Variants in RNF32 observed in about 807,000 individuals in gnomAD.
RNF32 encodes ring finger protein 32.
A neutral mutation model predicts 41.0 loss-of-function variants in RNF32; 36 were observed. The ratio of observed to expected loss-of-function variants is 0.88; its 90% CI spans 0.67 to 1.16. The LOEUF (loss-of-function observed/expected upper bound fraction) is 1.16. RNF32 is among the 50% of genes most tolerant of loss of function. The probability of loss-of-function intolerance (pLI) is 0.00; values close to 1 mark genes in which losing one functional copy is unlikely to be tolerated. For synonymous variants in RNF32, 154 were observed against 160.9 expected (o/e 0.96, Z 0.32); for missense variants, 413 against 436.7 (o/e 0.95, Z 0.48).
At chr7:156,645,236 A>G (rs1387500602) in intron 3 of RNF32, among the ~76,000 whole-genome samples, 2 of 152,236 alleles carry the variant, frequency 1.3e-5, no homozygotes, top group East Asian at 1.9e-4. Context: ...GAGAAAAACA[A>G]TAACTTCACA....
intron 3 of RNF32, among the ~76,000 whole-genome samples, chr7:156,648,057 G>A (rs1163200782): frequency 6.9e-6 from 1 of 144,718 alleles, no homozygotes; most frequent in Non-Finnish European, 1.5e-5. Flanking sequence ...TGATTTGTTT[G>A]AGTTCCTCGT....
chr7:156,668,907 T>C (rs1801826934), intron 7 of RNF32: 1 of 152,240 alleles, frequency 6.6e-6, no homozygotes, highest in Admixed American at 6.5e-5. Context: ...AAAATGCATA[T>C]TAATAGTCTT....
At chr7:156,657,320 CATGT>C (rs1799848896) in intron 4 of RNF32, 1 of 564,166 alleles carries the variant, frequency 1.8e-6, no homozygotes, top group Non-Finnish European at 3.2e-6. Flanking sequence ...TATCAAACTT[CATGT>C]GTTTATTTGA....
Position 156,654,558 on chromosome 7 carries a change from T to C in RNF32, c.275-18T>C, listed in dbSNP as rs1436333545. 1.9e-6 allele frequency: 3 copies of C among 1,611,712 alleles called. No individual in the cohort carries two copies. The highest frequency in any genetic ancestry group is 2.2e-5 in the South Asian group (2 of 90,874). ...CTAAAAGACACTCTAACTCCTGTCC[T>C]GTGCTGTCTTACTTTAGCACAGAAG... On this transcript the variant is annotated intron_variant, in intron 3 of 8. Coordinates refer to ENST00000317955, the MANE Select transcript of RNF32 (RefSeq NM_030936.4).
At chr7:156,641,960 C>T (rs527753679) in intron 1 of RNF32, among the ~76,000 whole-genome samples, 3 of 152,308 alleles carry the variant, frequency 2.0e-5, no homozygotes, top group South Asian at 2.1e-4. Context: ...CAGCGACTGA[C>T]GTTTTTACTT....
intron 7 of RNF32, chr7:156,660,390 T>A: frequency 3.1e-6 from 2 of 650,110 alleles, no homozygotes; most frequent in Non-Finnish European, 3.8e-6. Context: ...TTGGGGCTTT[T>A]AAGATGATCT....
chr7:156,658,472 T>C lies in RNF32; in HGVS notation c.586T>C (p.Tyr196His). Reference sequence around the variant, plus strand: ...ATATCTGTGTTTTAGAATCCAAGCCTACTGGAGAGGATGTGTTGTTAGAAA... The same window carrying C: ...ATATCTGTGTTTTAGAATCCAAGCCCACTGGAGAGGATGTGTTGTTAGAAA... ...RIKCVTRIQA[Y>H]WRGCVVRKWY... Residue 196 changes from tyrosine (Y) to histidine (H), a missense_variant, in exon 7 of 9, where the codon TAC becomes CAC. Tyr to His is a moderately conservative substitution (Grantham distance 83). Transcript: ENST00000317955. 6.2e-7 allele frequency: 1 copy of C among 1,611,814 alleles called. No homozygotes were observed. Among genetic ancestry groups the C allele is most frequent in the South Asian group, 1.1e-5 (1 of 91,048 alleles).
intron 3 of RNF32, 117 bp downstream of exon 3, chr7:156,644,874 G>A (rs1797791560): frequency 2.8e-6 from 3 of 1,067,908 alleles, no homozygotes; most frequent in Non-Finnish European, 2.7e-6. Context: ...ACAGAGAGGT[G>A]TGTATGTATT....
intron 7 of RNF32, among the ~76,000 whole-genome samples, chr7:156,665,610 A>C (rs1473578627): frequency 6.6e-6 from 1 of 152,230 alleles, no homozygotes; most frequent in East Asian, 1.9e-4. Flanking sequence ...ATCACAAATT[A>C]CTAGGAGAAA....
intron 3 of RNF32, among the ~76,000 whole-genome samples, chr7:156,651,689 TG>T (rs1272066603): frequency 1.5e-4 from 23 of 152,248 alleles, no homozygotes; most frequent in Non-Finnish European, 3.1e-4. Context: ...CACTCACAGC[TG>T]AGCAATGTGG....
At chr7:156,676,179 T>C (rs1426365335) in intron 8 of RNF32, 5 of 1,244,958 alleles carry the variant, frequency 4.0e-6, no homozygotes, top group Non-Finnish European at 5.4e-6. Flanking sequence ...CTGTTGGATG[T>C]TGCTTATCAC....
chr7:156,675,714 C>T lies in RNF32; in HGVS notation c.703C>T (p.Arg235Cys), dbSNP rs1359345441. 8 of 1,613,276 alleles carry T rather than the reference C, an allele frequency of 5.0e-6. No individual in the cohort carries two copies. Among genetic ancestry groups the T allele is most frequent in the South Asian group, 2.2e-5 (2 of 91,038 alleles). ...TCCTCAGTTCACAGAAATCAGCCAC[C>T]GCATCCTGTGCTCATACAACACCAA... ...FEKKFTEISH[R>C]ILCSYNTNIE... The change falls in exon 8 of 9, where the codon CGC becomes TGC. Residue 235 changes from arginine (R) to cysteine (C), a missense_variant. Arg to Cys is a radical substitution (Grantham distance 180). Coordinates refer to ENST00000317955, the MANE Select transcript of RNF32 (RefSeq NM_030936.4).
chr7:156,654,613 A>G lies in RNF32; in HGVS notation c.312A>G (p.Pro104=), dbSNP rs754156380. 20 of 1,614,048 alleles carry G rather than the reference A, an allele frequency of 1.2e-5. No homozygotes were observed. The highest frequency in any genetic ancestry group is 1.7e-5 in the Non-Finnish European group (20 of 1,179,904). The part of the protein sequence containing the change: ...KLGLIGPPPP[P]LSSDEWEKVK... ...GCCTCATTGGGCCTCCACCACCTCC[A>G]CTGTCATCAGATGAATGGGAGAAGG... Residue 104 remains proline, a synonymous_variant, in exon 4 of 9, where the codon CCA becomes CCG. Transcript: ENST00000317955.
rs10242736 is a variant in RNF32, at chr7:156,670,932, C to T, written c.685-4764C>T. Among the ~76,000 whole-genome samples, 4,626 of 151,926 alleles carry T rather than the reference C, an allele frequency of 0.03. 246 individuals are homozygous for T. Among genetic ancestry groups the T allele is most frequent in the African/African-American group, 0.11 (4,406 of 41,378 alleles). On this transcript the variant is annotated intron_variant, in intron 7 of 8. Coordinates refer to ENST00000317955, the MANE Select transcript of RNF32 (RefSeq NM_030936.4). The surrounding 1 kb of genome is among the most constrained non-coding windows in gnomAD (Gnocchi z 4.3). ...TAAATCTAATAGACATTGATTCCAC[C>T]GAACAAGAAAACTCATGTCTCAGGT...
At chr7:156,640,625 C>A, upstream of RNF32, 2 of 393,294 alleles carry the variant, frequency 5.1e-6, no homozygotes, top group Admixed American at 3.1e-5. Context: ...CAAGCATGCG[C>A]AATGTGGGCC....
chr7:156,660,314 A>C (rs1800437982), intron 7 of RNF32: 1 of 981,854 alleles, frequency 1.0e-6, no homozygotes, highest in Non-Finnish European at 1.2e-6. Context: ...ACACCATCTA[A>C]GAGATCAAGA....
At chr7:156,651,658 T>C (rs1437865673) in intron 3 of RNF32, among the ~76,000 whole-genome samples, 2 of 152,254 alleles carry the variant, frequency 1.3e-5, no homozygotes, top group Non-Finnish European at 2.9e-5. Flanking sequence ...CAGTGTTTAC[T>C]CTGTTACAAT....
At chr7:156,668,485 G>A (rs541114805) in intron 7 of RNF32, among the ~76,000 whole-genome samples, 23 of 152,210 alleles carry the variant, frequency 1.5e-4, no homozygotes, top group Admixed American at 1.0e-3. Context: ...GGGTGGAGCC[G>A]GGCTCCAGTG....
chr7:156,654,668 T>G lies in RNF32; in HGVS notation c.367T>G (p.Ser123Ala), dbSNP rs745641063. 2.5e-6 allele frequency: 4 copies of G among 1,614,070 alleles called. No homozygotes were observed. Among genetic ancestry groups the G allele is most frequent in the Non-Finnish European group, 3.4e-6 (4 of 1,179,924 alleles). ...VKQRSLLQGD[S>A]VQPCPICKEE... Reference sequence around the variant, plus strand: ...ACAGCGCTCTCTCCTGCAAGGGGACTCCGTGCAACCATGCCCCATCTGTAA... The same window carrying G: ...ACAGCGCTCTCTCCTGCAAGGGGACGCCGTGCAACCATGCCCCATCTGTAA... The change falls in exon 4 of 9, where the codon TCC becomes GCC. Residue 123 changes from serine (S) to alanine (A), a missense_variant. By Grantham distance (99) the Ser-to-Ala change is moderately conservative. Coordinates refer to ENST00000317955, the MANE Select transcript of RNF32 (RefSeq NM_030936.4).
Sources: allele counts gnomAD v4.1 joint callset (sites outside exome capture counted in the v4.1 genomes callset), GRCh38; gene constraint gnomAD v4.1.1; non-coding constraint Gnocchi (gnomAD v3.1); transcripts MANE v1.5; gene names NCBI Gene and HGNC (gene_info 2026-07-23, HGNC 2026-07-21).